The following ERICH6 variants were observed in gnomAD, a reference collection of about 807,000 sequenced individuals.
ERICH6 encodes glutamate-rich protein 6.
A neutral mutation model predicts 71.0 loss-of-function variants in ERICH6; 71 were observed. That is an observed-to-expected ratio of 1.00 (90% CI 0.83 to 1.22). The LOEUF is 1.22. Ranked by LOEUF, ERICH6 falls within the 50% of genes most tolerant of loss-of-function variation. ERICH6 has a pLI of 0.00. For synonymous variants in ERICH6, 262 were observed against 278.4 expected (o/e 0.94, Z 0.59); for missense variants, 808 against 797.2 (o/e 1.01, Z -0.16).
At chr3:150,662,701 G>T in intron 13 of ERICH6, among the ~76,000 whole-genome samples, 2 of 142,860 alleles carry the variant, frequency 1.4e-5, no homozygotes, top group East Asian at 4.3e-4. Flanking sequence ...AGAAGTGAAA[G>T]AAAATGACAG....
chr3:150,682,715 G>A (rs1166267319), intron 6 of ERICH6, among the ~76,000 whole-genome samples: 2 of 152,184 alleles, frequency 1.3e-5, no homozygotes, highest in Admixed American at 6.5e-5. Flanking sequence ...AATGATCTAA[G>A]TATTTGAACA....
intron 3 of ERICH6, among the ~76,000 whole-genome samples, chr3:150,691,788 T>C (rs1257520389): frequency 6.6e-6 from 1 of 152,114 alleles, no homozygotes. Context: ...ACTTGTGAGA[T>C]TGAGTTACAG....
At chr3:150,682,100 C>G in intron 7 of ERICH6, 118 bp downstream of exon 7, 2 of 849,514 alleles carry the variant, frequency 2.4e-6, no homozygotes, top group Non-Finnish European at 3.7e-6. Context: ...CAGGTGTGAG[C>G]CATCAAGCCC....
intron 3 of ERICH6, among the ~76,000 whole-genome samples, chr3:150,693,262 A>G (rs1455879872): frequency 6.6e-6 from 1 of 152,248 alleles, no homozygotes; most frequent in Non-Finnish European, 1.5e-5. Context: ...ATGACAGAAC[A>G]CAATTGGAGA....
intron 11 of ERICH6, among the ~76,000 whole-genome samples, chr3:150,672,373 A>G (rs1711512037): frequency 6.6e-6 from 1 of 151,340 alleles, no homozygotes; most frequent in African/African-American, 2.4e-5. Flanking sequence ...CAAGGTGAGC[A>G]GGTTACCTGA....
rs564483530 is a variant in ERICH6, at chr3:150,665,511, A to T, written c.1728+1276T>A. Among the ~76,000 whole-genome samples the T allele has an allele frequency of 2.2e-4, 22 of 97,838 alleles. 2 individuals are homozygous for T. In the East Asian group the frequency reaches 4.5e-3, roughly 20 times the overall value. 64.2% of individuals were successfully genotyped at this position (97,838 alleles called of 152,430 possible). A position where few individuals can be genotyped will look rare whatever the true frequency, so the allele number is the denominator to read the frequency against. On this transcript the variant is annotated intron_variant, in intron 13 of 13. Transcript: ENST00000295910. ...CAGCCTGGCGACGGAGAGAGACTCC[A>T]TCTCAAAAAAAAAAAAAAAAAATCG...
chr3:150,685,895 T>C (rs369908812), intron 5 of ERICH6, 37 bp from the exon 6 acceptor site: 9 of 1,605,668 alleles, frequency 5.6e-6, no homozygotes, highest in Non-Finnish European at 6.8e-6. Context: ...TGAGGGGAAA[T>C]AATTGAAGAT....
intron 11 of ERICH6, among the ~76,000 whole-genome samples, chr3:150,671,518 C>T (rs969274092): frequency 8.5e-5 from 13 of 152,178 alleles, no homozygotes; most frequent in Admixed American, 3.9e-4. Flanking sequence ...GGTGTGTAAA[C>T]TGGTATATAT....
At chr3:150,696,259 G>A (rs1365573080) in intron 3 of ERICH6, among the ~76,000 whole-genome samples, 2 of 146,812 alleles carry the variant, frequency 1.4e-5, no homozygotes, top group African/African-American at 2.5e-5. Flanking sequence ...TGGGGGAAAA[G>A]GATGGTTATT....
At position 150,680,481 on chromosome 3, in the gene ERICH6, AT is replaced by A; in HGVS notation, c.1097del (p.His366LeufsTer10). 1 of 1,614,186 alleles carries A rather than the reference AT, an allele frequency of 6.2e-7. No homozygotes were observed. The highest frequency in any genetic ancestry group is 8.5e-7 in the Non-Finnish European group (1 of 1,180,010). On this transcript the variant is annotated frameshift_variant, in exon 9 of 14. Transcript: ENST00000295910. LOFTEE classifies it high-confidence loss of function. ...HFAIISREQT[H>X]FSEDDSKRLK... ...TAATGAACTCACCATCTTCAGAGAA[AT>A]GAGTCTGTTCCCTTGATATTATTGC... is the stretch of plus-strand genomic sequence containing the variant.
intron 10 of ERICH6, among the ~76,000 whole-genome samples, chr3:150,674,723 T>C (rs1191435025): frequency 1.3e-5 from 2 of 152,210 alleles, no homozygotes; most frequent in Non-Finnish European, 2.9e-5. Context: ...CTTTAAAATA[T>C]TTCCTCTGCC....
chr3:150,670,135 T>A (rs575775743), intron 11 of ERICH6, among the ~76,000 whole-genome samples: 1 of 152,124 alleles, frequency 6.6e-6, no homozygotes, highest in Non-Finnish European at 1.5e-5. Flanking sequence ...CTTCCTAAGA[T>A]CAGAAACTAA....
At chr3:150,701,632 G>C (rs1712872217) in intron 2 of ERICH6, among the ~76,000 whole-genome samples, 1 of 152,152 alleles carries the variant, frequency 6.6e-6, no homozygotes, top group Non-Finnish European at 1.5e-5. Flanking sequence ...CTCAGGTTTG[G>C]TGTGAGATTT....
chr3:150,678,678 A>T lies in ERICH6; in HGVS notation c.1112-124T>A, dbSNP rs1711759156. Reference sequence around the variant, plus strand: ...ATTCATAAGACATTTTTATATTCAAATTTTTCATCATCTTTAAAAATTTTA... The same window carrying T: ...ATTCATAAGACATTTTTATATTCAATTTTTTCATCATCTTTAAAAATTTTA... On this transcript the variant is annotated intron_variant, in intron 9 of 13. Coordinates refer to ENST00000295910, the MANE Select transcript of ERICH6 (RefSeq NM_152394.5). 4.1e-6 allele frequency: 3 copies of T among 726,944 alleles called. No individual in the cohort carries two copies. The South Asian group carries it at 7.2e-5, about 17-fold the overall frequency. The allele number at this position is 726,944 out of a possible 1,614,324, so 45.0% of individuals were successfully genotyped here.
chr3:150,689,236 C>A lies in ERICH6; in HGVS notation c.554-2882G>T, dbSNP rs1364812500. On this transcript the variant is annotated intron_variant, in intron 3 of 13. Coordinates refer to ENST00000295910, the MANE Select transcript of ERICH6 (RefSeq NM_152394.5). ...TTACTTGCTTCCAACTCAAGGAAGT[C>A]ATTTTTTTCCTGCTTCCATGACAAT... Among the ~76,000 whole-genome samples the A allele has an allele frequency of 7.5e-5, 9 of 120,700 alleles. No homozygotes were observed. In the South Asian group the frequency reaches 1.7e-3, roughly 23 times the overall value. The allele number at this position is 120,700 out of a possible 152,430, so 79.2% of individuals were successfully genotyped here.
At chr3:150,691,718 T>C (rs1015286578) in intron 3 of ERICH6, among the ~76,000 whole-genome samples, 3 of 147,828 alleles carry the variant, frequency 2.0e-5, no homozygotes, top group Admixed American at 6.7e-5. Flanking sequence ...AAGCTGAGAT[T>C]ATTTTTTTTT....
chr3:150,680,444 T>C lies in ERICH6; in HGVS notation c.1111+24A>G, dbSNP rs1162886640. 3 of 1,603,468 alleles carry C rather than the reference T, an allele frequency of 1.9e-6. No homozygotes were observed. In the South Asian group the frequency reaches 3.3e-5, roughly 18 times the overall value. ...TTTCTGACGTTGTACAGCTGGTCTA[T>C]AAGATCAGCACTAATGAACTCACCA... On this transcript the variant is annotated intron_variant, in intron 9 of 13. Coordinates refer to ENST00000295910, the MANE Select transcript of ERICH6 (RefSeq NM_152394.5).
intron 3 of ERICH6, among the ~76,000 whole-genome samples, chr3:150,691,881 C>A (rs932500719): frequency 1.3e-5 from 2 of 152,012 alleles, no homozygotes; most frequent in Non-Finnish European, 2.9e-5. Flanking sequence ...CATCTTCAGG[C>A]CTGGTAGAAG....
Position 150,682,472 on chromosome 3 carries a change from G to T in ERICH6, c.784-156C>A, listed in dbSNP as rs182933930. On this transcript the variant is annotated intron_variant, in intron 6 of 13. Transcript: ENST00000295910. ...TGATATCACTTCCATTTAAGGGCTG[G>T]TGAGGCTTCAGGAGCCTGAGGTGGT... 3.5e-3 allele frequency among the ~76,000 whole-genome samples: 527 copies of T among 152,300 alleles called. 3 individuals carry two copies. Among genetic ancestry groups the T allele is most frequent in the Non-Finnish European group, 4.4e-3 (297 of 68,034 alleles).
Sources: allele counts gnomAD v4.1 joint callset (sites outside exome capture counted in the v4.1 genomes callset), GRCh38; gene constraint gnomAD v4.1.1; transcripts MANE v1.5; gene names NCBI Gene and HGNC (gene_info 2026-07-23, HGNC 2026-07-21).